The following TG variants were observed in gnomAD, a reference collection of about 807,000 sequenced individuals.
TG encodes the protein thyroid hormones.
A neutral mutation model predicts 324.7 loss-of-function variants in TG; 270 were observed. The ratio of observed to expected loss-of-function variants is 0.83; its 90% CI spans 0.75 to 0.92. The LOEUF (loss-of-function observed/expected upper bound fraction) is 0.92, where lower values mean the gene tolerates loss of function less well. Among genes scored for constraint, TG ranks in the 40% least tolerant of loss-of-function variants. The pLI is 0.00. For missense variants in TG, 3,591 were observed against 3,456.4 expected (o/e 1.04, Z -0.98); for synonymous variants, 1,401 against 1,327.0 (o/e 1.06, Z -1.21).
chr8:133,121,508 C>T (rs1231109480), intron 45 of TG, among the ~76,000 whole-genome samples: 9 of 152,172 alleles, frequency 5.9e-5, no homozygotes, highest in Non-Finnish European at 1.2e-4. Flanking sequence ...CACGCAGATC[C>T]ACGGAAACAT....
intron 5 of TG, among the ~76,000 whole-genome samples, chr8:132,880,689 G>T (rs939272673): frequency 1.3e-5 from 2 of 152,078 alleles, no homozygotes; most frequent in South Asian, 2.1e-4. Context: ...TCAAAGCCAG[G>T]CTCTCAGCAA....
At chr8:132,975,393 G>A (rs1830057617) in intron 34 of TG, among the ~76,000 whole-genome samples, 1 of 152,224 alleles carries the variant, frequency 6.6e-6, no homozygotes, top group African/African-American at 2.4e-5. Context: ...GGCAGGGGAA[G>A]GAATCAAGGT....
At chr8:132,927,760 T>A (rs1460830794) in intron 22 of TG, among the ~76,000 whole-genome samples, 1 of 152,250 alleles carries the variant, frequency 6.6e-6, no homozygotes, top group African/African-American at 2.4e-5. Flanking sequence ...CCTTTCAAAT[T>A]GTATTTAGTC....
chr8:132,905,169 C>A (rs1396866864), intron 16 of TG, among the ~76,000 whole-genome samples: 1 of 152,190 alleles, frequency 6.6e-6, no homozygotes, highest in African/African-American at 2.4e-5. Flanking sequence ...TTATTGCCAT[C>A]TTCACCATTT....
chr8:132,939,664 T>G (rs987988565), intron 25 of TG, among the ~76,000 whole-genome samples: 1 of 111,588 alleles, frequency 9.0e-6, no homozygotes, highest in Non-Finnish European at 2.0e-5. Flanking sequence ...GTCTATGGGG[T>G]TTTTTTTTTT....
chr8:133,089,590 T>C (rs116999370), intron 41 of TG, among the ~76,000 whole-genome samples: 1,811 of 152,336 alleles, frequency 0.012, 22 homozygotes, highest in South Asian at 0.027. Context: ...TGAAGTTTAC[T>C]TCTCACTACA....
At chr8:132,983,278 T>C (rs1056085873) in intron 34 of TG, 72 bp from the exon 35 acceptor site, 27 of 1,505,516 alleles carry the variant, frequency 1.8e-5, no homozygotes, top group East Asian at 2.3e-5. Context: ...CTTATACTTA[T>C]ATTAATGCCT....
At chr8:132,914,590 T>G (rs113150061) in intron 20 of TG, among the ~76,000 whole-genome samples, 1 of 152,198 alleles carries the variant, frequency 6.6e-6, no homozygotes, top group African/African-American at 2.4e-5. Context: ...GCAGATCCTT[T>G]CCTCATTTGA....
At chr8:133,046,728 A>G (rs1459363946) in intron 41 of TG, 1 of 152,214 alleles carries the variant, frequency 6.6e-6, no homozygotes, top group African/African-American at 2.4e-5. Flanking sequence ...GGACAGGCAC[A>G]GGATGTTTTG....
intron 16 of TG, among the ~76,000 whole-genome samples, chr8:132,902,475 C>A (rs998561638): frequency 9.2e-5 from 14 of 152,112 alleles, no homozygotes; most frequent in African/African-American, 3.4e-4. Context: ...TGTACTCCCT[C>A]CTGCCCTGAA....
At chr8:132,883,080 C>A in intron 8 of TG, 81 bp downstream of exon 8, 1 of 1,492,636 alleles carries the variant, frequency 6.7e-7, no homozygotes, top group South Asian at 1.2e-5. Flanking sequence ...TCTCTGGACC[C>A]CATTAATTCA....
intron 35 of TG, among the ~76,000 whole-genome samples, chr8:133,000,754 A>G (rs1833396209): frequency 6.6e-6 from 1 of 152,210 alleles, no homozygotes; most frequent in African/African-American, 2.4e-5. Flanking sequence ...TGAGCATTTT[A>G]TGCTAGAGAG....
chr8:132,899,217 G>T (rs536442379), intron 14 of TG, among the ~76,000 whole-genome samples: 1 of 152,322 alleles, frequency 6.6e-6, no homozygotes, highest in South Asian at 2.1e-4. Flanking sequence ...AACAAAACAT[G>T]CTATCATGTT....
chr8:133,130,035 T>G (rs944192141), intron 45 of TG, among the ~76,000 whole-genome samples: 1 of 152,182 alleles, frequency 6.6e-6, no homozygotes, highest in Admixed American at 6.5e-5. Flanking sequence ...AGCCAGAAAC[T>G]GGGTCAGAGA....
At chr8:133,053,860 G>A (rs1840875151) in intron 41 of TG, among the ~76,000 whole-genome samples, 1 of 152,152 alleles carries the variant, frequency 6.6e-6, no homozygotes, top group Non-Finnish European at 1.5e-5. Flanking sequence ...GATAGCTATG[G>A]CACTTAAACA....
intron 34 of TG, among the ~76,000 whole-genome samples, chr8:132,975,089 C>G (rs1830027664): frequency 1.3e-5 from 2 of 152,028 alleles, no homozygotes; most frequent in Admixed American, 6.6e-5. Context: ...AACAGTTTCC[C>G]TGCTTTAACT....
chr8:132,967,178 C>T (rs1384446714), intron 30 of TG, among the ~76,000 whole-genome samples: 2 of 150,518 alleles, frequency 1.3e-5, no homozygotes, highest in Non-Finnish European at 3.0e-5. Flanking sequence ...TCCATCCATC[C>T]ATGTATCCAT....
Position 133,116,596 on chromosome 8 carries a change from C to G in TG, c.7755-13C>G. 1 of 1,608,602 alleles carries G rather than the reference C, an allele frequency of 6.2e-7. No homozygotes were observed. The highest frequency in any genetic ancestry group is 8.5e-7 in the Non-Finnish European group (1 of 1,174,934). On this transcript the variant is annotated splice_polypyrimidine_tract_variant and intron_variant, in intron 44 of 47. Transcript: ENST00000220616. ...TGTTTAACCAGACTCCCCCCATGTT[C>G]TCTTTTCACCAGGGACTACTTTATC...
At position 133,022,118 on chromosome 8, in the gene TG, A is replaced by G; in HGVS notation, c.7004A>G (p.Tyr2335Cys). The G allele has an allele frequency of 6.2e-7, 1 of 1,614,032 alleles. No homozygotes were observed. The highest frequency in any genetic ancestry group is 8.5e-7 in the Non-Finnish European group (1 of 1,180,016). Residue 2335 changes from tyrosine (Y) to cysteine (C), a missense_variant, in exon 40 of 48, where the codon TAC becomes TGC. By Grantham distance (194) the Tyr-to-Cys change is radical. Transcript: ENST00000220616. ...VGNLIVVTAS[Y>C]RVGVFGFLSS... is the part of the protein sequence containing the mutation. Reference sequence around the variant, plus strand: ...AACCTCATCGTGGTCACTGCCAGCTACCGAGTGGGTGTCTTCGGCTTCCTG... The same window carrying G: ...AACCTCATCGTGGTCACTGCCAGCTGCCGAGTGGGTGTCTTCGGCTTCCTG...
Sources: allele counts gnomAD v4.1 joint callset (sites outside exome capture counted in the v4.1 genomes callset), GRCh38; gene constraint gnomAD v4.1.1; transcripts MANE v1.5; gene names NCBI Gene and HGNC (gene_info 2026-07-23, HGNC 2026-07-21).